Variants in IQCK observed in about 807,000 individuals in gnomAD.
The protein encoded by IQCK is IQ motif containing K, also known as IQ domain-containing protein K.
In IQCK, 29 loss-of-function variants were observed where a neutral mutation model predicts 28.1. The ratio of observed to expected loss-of-function variants is 1.03; its 90% CI spans 0.77 to 1.41. The LOEUF (loss-of-function observed/expected upper bound fraction) is 1.41, where lower values mean the gene tolerates loss of function less well. IQCK is among the 40% of genes most tolerant of loss of function. IQCK has a pLI of 0.00. For synonymous variants in IQCK, 113 were observed against 115.1 expected (o/e 0.98, Z 0.12); for missense variants, 359 against 314.7 (o/e 1.14, Z -1.07).
At chr16:19,758,712 C>A (rs1213075934) in intron 4 of IQCK, among the ~76,000 whole-genome samples, 1 of 152,212 alleles carries the variant, frequency 6.6e-6, no homozygotes, top group African/African-American at 2.4e-5. Context: ...GACCCCATTA[C>A]ATGGTCTGAT....
At chr16:19,729,130 T>A (rs1370173262) in intron 1 of IQCK, among the ~76,000 whole-genome samples, 1 of 152,208 alleles carries the variant, frequency 6.6e-6, no homozygotes, top group Non-Finnish European at 1.5e-5. Flanking sequence ...TTACGTGGAC[T>A]GTTCTTTTAT....
intron 9 of IQCK, among the ~76,000 whole-genome samples, chr16:19,847,980 T>C (rs775638994): frequency 1.3e-5 from 2 of 152,218 alleles, no homozygotes; most frequent in Non-Finnish European, 2.9e-5. Context: ...ATGCTGCTGC[T>C]TTGAACACTC....
At chr16:19,726,064 C>T (rs1051570116) in intron 1 of IQCK, among the ~76,000 whole-genome samples, 10 of 151,996 alleles carry the variant, frequency 6.6e-5, no homozygotes, top group Non-Finnish European at 7.4e-5. Flanking sequence ...TACAGGCGCC[C>T]GCCACCACTC....
chr16:19,803,402 C>T (rs558276820), intron 7 of IQCK, among the ~76,000 whole-genome samples: 1 of 152,210 alleles, frequency 6.6e-6, no homozygotes, highest in East Asian at 1.9e-4. Flanking sequence ...CTCAGCCTCC[C>T]GAGGTGCTGG....
chr16:19,849,919 G>A (rs1008370231), intron 9 of IQCK, among the ~76,000 whole-genome samples: 1 of 152,160 alleles, frequency 6.6e-6, no homozygotes, highest in African/African-American at 2.4e-5. Context: ...ACTCCTTGGA[G>A]ACATGATTAA....
rs565652086 is a variant in IQCK, at chr16:19,735,896, TA to T, written c.474+454del. 2.3e-3 allele frequency: 795 copies of T among 341,080 alleles called. 7 individuals are homozygous for T. Among genetic ancestry groups the T allele is most frequent in the African/African-American group, 0.016 (755 of 46,536 alleles). The allele number at this position is 341,080 out of a possible 1,614,324, so 21.1% of individuals were successfully genotyped here. On this transcript the variant is annotated intron_variant, in intron 4 of 7. Coordinates refer to ENST00000564186, the Ensembl canonical transcript of IQCK. The stretch of plus-strand genomic sequence containing the variant: ...GGCAACATAGTGAGACCCCCATCTC[TA>T]AAAAAAATTTTTTTTTAAATTAGCT...
chr16:19,845,737 AT>A (rs2056409170), intron 9 of IQCK, among the ~76,000 whole-genome samples: 1 of 152,244 alleles, frequency 6.6e-6, no homozygotes, highest in East Asian at 1.9e-4. Flanking sequence ...AAAATATTAT[AT>A]TTTCCAGTTT....
chr16:19,746,524 C>T (rs1393800902), intron 4 of IQCK, among the ~76,000 whole-genome samples: 1 of 152,166 alleles, frequency 6.6e-6, no homozygotes, highest in East Asian at 1.9e-4. Flanking sequence ...CATTGTGACT[C>T]TTAGAATTGC....
intron 7 of IQCK, among the ~76,000 whole-genome samples, chr16:19,803,278 G>A (rs1234532691): frequency 6.6e-6 from 1 of 152,130 alleles, no homozygotes. Context: ...GAGTAGCTGG[G>A]ATTACAGGCG....
At chr16:19,763,357 G>A (rs1379758909) in intron 4 of IQCK, among the ~76,000 whole-genome samples, 6 of 152,138 alleles carry the variant, frequency 3.9e-5, no homozygotes, top group Non-Finnish European at 8.8e-5. Context: ...CTGAGAAGGA[G>A]GAGGAAGAGG....
intron 7 of IQCK, among the ~76,000 whole-genome samples, chr16:19,822,889 C>A (rs956809223): frequency 1.3e-5 from 2 of 152,060 alleles, no homozygotes; most frequent in Admixed American, 6.5e-5. Context: ...CACTAAGGTT[C>A]CTTGTGAATC....
At chr16:19,848,755 G>A (rs1449688938) in intron 9 of IQCK, among the ~76,000 whole-genome samples, 1 of 152,168 alleles carries the variant, frequency 6.6e-6, no homozygotes, top group Non-Finnish European at 1.5e-5. Flanking sequence ...CAGAGGTGGG[G>A]TATCATCCAG....
At chr16:19,851,612 C>A (rs552556598) in intron 9 of IQCK, among the ~76,000 whole-genome samples, 1 of 152,178 alleles carries the variant, frequency 6.6e-6, no homozygotes, top group Non-Finnish European at 1.5e-5. Context: ...ATGCAAGGCC[C>A]TTCTTGTCAC....
At chr16:19,845,891 A>G (rs1485737223) in intron 9 of IQCK, among the ~76,000 whole-genome samples, 2 of 152,054 alleles carry the variant, frequency 1.3e-5, no homozygotes, top group Non-Finnish European at 2.9e-5. Flanking sequence ...CCTAAGCAAC[A>G]TGGTGAAACC....
chr16:19,740,775 C>T (rs1006753536), intron 4 of IQCK, among the ~76,000 whole-genome samples: 1 of 151,644 alleles, frequency 6.6e-6, no homozygotes, highest in African/African-American at 2.4e-5. Context: ...TTGAGACCAG[C>T]CTGGCCAACA....
At chr16:19,780,737 T>A (rs1419717677) in intron 6 of IQCK, among the ~76,000 whole-genome samples, 1 of 152,234 alleles carries the variant, frequency 6.6e-6, no homozygotes, top group East Asian at 1.9e-4. Flanking sequence ...CCTGTCACAT[T>A]ACAGTTGTTG....
intron 2 of IQCK, among the ~76,000 whole-genome samples, chr16:19,732,866 A>T (rs930788515): frequency 1.3e-5 from 2 of 152,096 alleles, no homozygotes; most frequent in Non-Finnish European, 2.9e-5. Flanking sequence ...CCTGGAGAGG[A>T]GGGGGAGCTG....
chr16:19,786,430 G>T (rs982356510), intron 6 of IQCK, among the ~76,000 whole-genome samples: 1 of 148,624 alleles, frequency 6.7e-6, no homozygotes, highest in African/African-American at 2.6e-5. Context: ...GTGCACGGTG[G>T]CTCATGCCTG....
At chr16:19,831,111 C>T (rs972646023), downstream of IQCK, among the ~76,000 whole-genome samples, 2 of 152,180 alleles carry the variant, frequency 1.3e-5, no homozygotes, top group African/African-American at 4.8e-5. Flanking sequence ...CAAGGTCACA[C>T]AGCAGAGGAG....
Sources: allele counts gnomAD v4.1 joint callset (sites outside exome capture counted in the v4.1 genomes callset), GRCh38; gene constraint gnomAD v4.1.1; transcripts MANE v1.5; gene names NCBI Gene and HGNC (gene_info 2026-07-23, HGNC 2026-07-21).